GABBR2: variants seen among roughly 807,000 people sequenced by gnomAD.
GABBR2 encodes G-protein coupled receptor 51.
A neutral mutation model predicts 105.6 loss-of-function variants in GABBR2; 23 were observed. The ratio of observed to expected loss-of-function variants is 0.22; its 90% confidence interval spans 0.16 to 0.31. The LOEUF (loss-of-function observed/expected upper bound fraction) is 0.31. Ranked by LOEUF, GABBR2 falls within the 10% of genes least tolerant of loss-of-function variation. The probability of loss-of-function intolerance (pLI) is 1.00; values close to 1 mark genes in which losing one functional copy is unlikely to be tolerated. For synonymous variants in GABBR2, 478 were observed against 499.7 expected (o/e 0.96, Z 0.58); for missense variants, 734 against 1,245.5 (o/e 0.59, Z 6.18).
intron 7 of GABBR2, among the ~76,000 whole-genome samples, chr9:98,441,783 A>G (rs1826035595): frequency 1.3e-5 from 2 of 152,208 alleles, no homozygotes; most frequent in Admixed American, 1.3e-4. Context: ...GAATTTGTAC[A>G]CTTAAAAATG....
At chr9:98,347,402 C>T (rs1831320315) in intron 13 of GABBR2, among the ~76,000 whole-genome samples, 2 of 151,986 alleles carry the variant, frequency 1.3e-5, no homozygotes, top group Admixed American at 6.5e-5. Flanking sequence ...CTATTCTGAT[C>T]CTTTGTCTTC....
At chr9:98,658,424 A>T (rs199530949) in intron 1 of GABBR2, among the ~76,000 whole-genome samples, 53 of 127,834 alleles carry the variant, frequency 4.1e-4, no homozygotes, top group Non-Finnish European at 6.8e-5. Context: ...TGAATGAATG[A>T]ATGTATGCTG....
In GABBR2 at chr9:98,406,801, C is replaced by T. The variant is rs145987067; in HGVS notation, c.1237-660G>A. On this transcript the variant is annotated intron_variant, in intron 7 of 18. Transcript: ENST00000259455. The stretch of plus-strand genomic sequence containing the variant: ...AACATAGCGTTATCTCCTGCATCTG[C>T]CCTGCTGGCTTCCAAATGCTTGGCT... Among the ~76,000 whole-genome samples the T allele has an allele frequency of 1.8e-3, 268 of 152,292 alleles. 3 individuals carry two copies. Among genetic ancestry groups the T allele is most frequent in the African/African-American group, 6.3e-3 (261 of 41,550 alleles).
intron 13 of GABBR2, among the ~76,000 whole-genome samples, chr9:98,343,200 C>T (rs574795555): frequency 1.3e-5 from 2 of 152,268 alleles, no homozygotes; most frequent in African/African-American, 2.4e-5. Flanking sequence ...GATTACTGCT[C>T]AAATGGCCAG....
intron 1 of GABBR2, among the ~76,000 whole-genome samples, chr9:98,600,618 T>C (rs1036072489): frequency 1.3e-5 from 2 of 152,220 alleles, no homozygotes; most frequent in Non-Finnish European, 2.9e-5. Flanking sequence ...TCAGTAAACA[T>C]CAGCTGTCAC....
chr9:98,648,132 G>GTGT (rs1564140835), intron 1 of GABBR2, among the ~76,000 whole-genome samples: 14 of 93,956 alleles, frequency 1.5e-4, no homozygotes, highest in African/African-American at 5.7e-4. Flanking sequence ...TAGATAGATA[G>GTGT]ATAGATAGAT....
intron 1 of GABBR2, among the ~76,000 whole-genome samples, chr9:98,636,798 A>C (rs1440636743): frequency 6.6e-6 from 1 of 152,148 alleles, no homozygotes; most frequent in Non-Finnish European, 1.5e-5. Flanking sequence ...GGATTTCAGA[A>C]GCAAGAATTT....
intron 1 of GABBR2, among the ~76,000 whole-genome samples, chr9:98,606,199 G>A (rs1332774682): frequency 6.6e-6 from 1 of 152,192 alleles, no homozygotes; most frequent in Non-Finnish European, 1.5e-5. Flanking sequence ...TTGGTTCCAA[G>A]TCTTTGCTAT....
At chr9:98,326,073 AC>A (rs1393594239) in intron 13 of GABBR2, among the ~76,000 whole-genome samples, 1 of 152,220 alleles carries the variant, frequency 6.6e-6, no homozygotes, top group East Asian at 1.9e-4. Context: ...CTGATAAGTG[AC>A]CTTAATGATC....
At chr9:98,556,770 G>A (rs1828592237) in intron 2 of GABBR2, among the ~76,000 whole-genome samples, 1 of 152,198 alleles carries the variant, frequency 6.6e-6, no homozygotes, top group East Asian at 1.9e-4. Context: ...CTGAGACCGG[G>A]TGCGGTGGCT....
At chr9:98,291,506 A>G (rs1423113131) in intron 18 of GABBR2, among the ~76,000 whole-genome samples, 1 of 152,058 alleles carries the variant, frequency 6.6e-6, no homozygotes, top group Non-Finnish European at 1.5e-5. Context: ...CCAGGACCGC[A>G]TCTCTTCTTG....
chr9:98,597,424 G>A (rs184243220), intron 1 of GABBR2, among the ~76,000 whole-genome samples: 1 of 152,324 alleles, frequency 6.6e-6, no homozygotes, highest in East Asian at 1.9e-4. Context: ...TATGTGGCAG[G>A]GAAAATCCTG....
intron 13 of GABBR2, among the ~76,000 whole-genome samples, chr9:98,327,557 A>G (rs1212939346): frequency 2.0e-5 from 3 of 152,186 alleles, no homozygotes; most frequent in Non-Finnish European, 2.9e-5. Flanking sequence ...TTTAACAAAT[A>G]AAATTAAATT....
At chr9:98,322,533 A>C (rs2068035852) in intron 13 of GABBR2, among the ~76,000 whole-genome samples, 1 of 151,866 alleles carries the variant, frequency 6.6e-6, no homozygotes, top group Non-Finnish European at 1.5e-5. Context: ...CAAGACCTTC[A>C]GTGACTCCCC....
chr9:98,385,138 T>G (rs73497007), intron 11 of GABBR2, among the ~76,000 whole-genome samples: 1 of 152,098 alleles, frequency 6.6e-6, no homozygotes, highest in African/African-American at 2.4e-5. Context: ...ATAATATTTT[T>G]CCCCTCCTTT....
chr9:98,397,444 T>C (rs1832314294), intron 8 of GABBR2, among the ~76,000 whole-genome samples: 1 of 152,154 alleles, frequency 6.6e-6, no homozygotes, highest in African/African-American at 2.4e-5. Flanking sequence ...AGATCTTGCA[T>C]GACTGTATCT....
chr9:98,461,266 G>A (rs1826419879), intron 6 of GABBR2, among the ~76,000 whole-genome samples: 1 of 152,044 alleles, frequency 6.6e-6, no homozygotes, highest in Admixed American at 6.5e-5. Flanking sequence ...TCAGTGCCAA[G>A]AAAATCTTAA....
intron 11 of GABBR2, among the ~76,000 whole-genome samples, chr9:98,373,907 G>C (rs1831829174): frequency 7.1e-6 from 1 of 140,198 alleles, no homozygotes; most frequent in Non-Finnish European, 1.5e-5. Flanking sequence ...CCTCAGGCTG[G>C]AGTACAGTGG....
At chr9:98,584,329 G>A (rs1028083214) in intron 1 of GABBR2, among the ~76,000 whole-genome samples, 1 of 152,142 alleles carries the variant, frequency 6.6e-6, no homozygotes, top group African/African-American at 2.4e-5. Context: ...CACATAGTAG[G>A]TGCTCAATAA....
Sources: allele counts gnomAD v4.1 joint callset (sites outside exome capture counted in the v4.1 genomes callset), GRCh38; gene constraint gnomAD v4.1.1; transcripts MANE v1.5; gene names NCBI Gene and HGNC (gene_info 2026-07-23, HGNC 2026-07-21).